Variants in NTM observed in about 807,000 individuals in gnomAD.
NTM encodes the protein neurotrimin.
Under a neutral mutation model 42.1 loss-of-function variants are expected in NTM, and 13 were observed. The ratio of observed to expected loss-of-function variants is 0.31; its 90% CI spans 0.20 to 0.49. The LOEUF (loss-of-function observed/expected upper bound fraction) is 0.49, where lower values mean the gene tolerates loss of function less well. Ranked by LOEUF, NTM falls within the 20% of genes least tolerant of loss-of-function variation. NTM has a pLI of 0.99. For missense variants in NTM, 373 were observed against 452.8 expected (o/e 0.82, Z 1.60); for synonymous variants, 187 against 179.2 (o/e 1.04, Z -0.35).
At chr11:131,890,511 T>G (rs533762385) in intron 1 of NTM, among the ~76,000 whole-genome samples, 12 of 152,326 alleles carry the variant, frequency 7.9e-5, no homozygotes, top group Middle Eastern at 3.4e-3. Context: ...TCATGAGCGC[T>G]CTCCTTTTTT....
At chr11:131,528,668 C>A (rs1482581045) in intron 1 of NTM, among the ~76,000 whole-genome samples, 1 of 152,168 alleles carries the variant, frequency 6.6e-6, no homozygotes, top group African/African-American at 2.4e-5. Context: ...TAATTGAGCT[C>A]ATTCTTTTTA....
In NTM at chr11:131,708,441, A is replaced by G. The variant is rs1369723783; in HGVS notation, c.83-203123A>G. ...TGGCAGTAAGTATTCCTAAACATTAACATTAGAGATGTAAGACAAAAAGCA... is the reference window on the plus strand; with the variant it reads ...TGGCAGTAAGTATTCCTAAACATTAGCATTAGAGATGTAAGACAAAAAGCA... On this transcript the variant is annotated intron_variant, in intron 1 of 8. Coordinates refer to ENST00000683400, the MANE Select transcript of NTM (RefSeq NM_001352005.2). Among the ~76,000 whole-genome samples the G allele has an allele frequency of 2.0e-5, 3 of 152,172 alleles. 1 individual carries two copies. In the East Asian group the frequency reaches 5.8e-4, roughly 29 times the overall value.
intron 6 of NTM, 134 bp downstream of exon 6, chr11:132,310,366 G>A (rs2095244700): frequency 2.7e-5 from 21 of 776,396 alleles, no homozygotes; most frequent in Non-Finnish European, 4.0e-5. Context: ...GGGGGCAAAT[G>A]TGCAAAGAAG....
At chr11:131,827,100 G>A (rs534513905) in intron 1 of NTM, among the ~76,000 whole-genome samples, 46 of 152,124 alleles carry the variant, frequency 3.0e-4, no homozygotes, top group African/African-American at 1.1e-3. Flanking sequence ...CTGAATACAC[G>A]TTGATGAATT....
intron 4 of NTM, among the ~76,000 whole-genome samples, chr11:132,259,602 C>G (rs1279392170): frequency 6.6e-6 from 1 of 151,574 alleles, no homozygotes; most frequent in Non-Finnish European, 1.5e-5. Flanking sequence ...ATCGTTTGAA[C>G]CCGGGAGGCA....
At chr11:131,751,370 C>T (rs1565500479) in intron 1 of NTM, among the ~76,000 whole-genome samples, 1 of 151,974 alleles carries the variant, frequency 6.6e-6, no homozygotes, top group Non-Finnish European at 1.5e-5. Context: ...GTGGGCGGAT[C>T]ACGAGGTCAG....
chr11:131,506,486 G>A (rs1037156883), intron 1 of NTM, among the ~76,000 whole-genome samples: 1 of 152,196 alleles, frequency 6.6e-6, no homozygotes, highest in Non-Finnish European at 1.5e-5. Flanking sequence ...GCGTGTCGCT[G>A]GGACAGCCCT....
chr11:132,128,644 G>T (rs2066266229), intron 2 of NTM, among the ~76,000 whole-genome samples: 1 of 152,008 alleles, frequency 6.6e-6, no homozygotes, highest in Non-Finnish European at 1.5e-5. Context: ...GCTGGGCATG[G>T]TGGCTCACAC....
chr11:131,708,712 T>C (rs191032673), intron 1 of NTM, among the ~76,000 whole-genome samples: 1 of 152,286 alleles, frequency 6.6e-6, no homozygotes, highest in African/African-American at 2.4e-5. Context: ...GAAAAATATA[T>C]TGAGGGCCTT....
In NTM at chr11:131,864,335, T is replaced by C. The variant is rs148294970; in HGVS notation, c.83-47229T>C. Among the ~76,000 whole-genome samples, 776 of 152,286 alleles carry C rather than the reference T, an allele frequency of 5.1e-3. 9 individuals are homozygous for C. The highest frequency in any genetic ancestry group is 0.017 in the African/African-American group (722 of 41,562). ...TCTGGTCAGTCCCTGGAGCTTGTCA[T>C]GTGACAGCAGGATTCTCCTGCTGCT... is the stretch of plus-strand genomic sequence containing the variant. On this transcript the variant is annotated intron_variant, in intron 1 of 8. Coordinates refer to ENST00000683400, the MANE Select transcript of NTM (RefSeq NM_001352005.2).
intron 2 of NTM, among the ~76,000 whole-genome samples, chr11:131,955,020 T>A (rs1474999481): frequency 6.6e-6 from 1 of 152,196 alleles, no homozygotes; most frequent in Non-Finnish European, 1.5e-5. Context: ...CAGATGAACA[T>A]CCTCATTGTC....
chr11:131,788,290 C>T (rs2089600846), intron 1 of NTM, among the ~76,000 whole-genome samples: 1 of 152,024 alleles, frequency 6.6e-6, no homozygotes, highest in South Asian at 2.1e-4. Context: ...AAATTTATTA[C>T]TCTTTCCCAT....
At chr11:131,989,907 T>C (rs1468233091) in intron 2 of NTM, among the ~76,000 whole-genome samples, 6 of 152,160 alleles carry the variant, frequency 3.9e-5, no homozygotes, top group Admixed American at 6.5e-5. Context: ...TCCTTTTTCA[T>C]TGGCTCAAGC....
intron 2 of NTM, among the ~76,000 whole-genome samples, chr11:132,090,926 C>CA (rs1162225188): frequency 4.6e-5 from 7 of 151,974 alleles, no homozygotes; most frequent in African/African-American, 1.5e-4. Flanking sequence ...CCAGACCTAC[C>CA]AAAAAAAGTG....
intron 2 of NTM, among the ~76,000 whole-genome samples, chr11:131,976,940 C>T (rs1041341615): frequency 1.3e-5 from 2 of 152,134 alleles, no homozygotes; most frequent in African/African-American, 2.4e-5. Context: ...TGAAAAATAT[C>T]GGTGTGTGTG....
intron 3 of NTM, among the ~76,000 whole-genome samples, chr11:132,209,264 T>C (rs6590630): frequency 0.48 from 72,961 of 152,158 alleles, 18,058 homozygotes; most frequent in Middle Eastern, 0.57. Context: ...TAAAATGATA[T>C]AACCATAAAT....
intron 4 of NTM, among the ~76,000 whole-genome samples, chr11:132,268,781 T>C (rs3099775): frequency 0.92 from 139,147 of 152,058 alleles, 63,865 homozygotes; most frequent in East Asian, 1. Flanking sequence ...TTTAGTTCCA[T>C]AGAAGGAAAA....
intron 4 of NTM, among the ~76,000 whole-genome samples, chr11:132,220,149 T>C (rs993226370): frequency 3.3e-5 from 5 of 152,206 alleles, no homozygotes; most frequent in African/African-American, 1.2e-4. Flanking sequence ...TCAGAGTACC[T>C]GTGAAACATA....
At chr11:132,156,228 A>G (rs2073160167) in intron 3 of NTM, among the ~76,000 whole-genome samples, 1 of 152,140 alleles carries the variant, frequency 6.6e-6, no homozygotes, top group Admixed American at 6.5e-5. Flanking sequence ...GCCAGGCTCC[A>G]GGGGACCTCT....
Sources: gnomAD v4.1 joint callset for allele counts (sites outside exome capture counted in the v4.1 genomes callset) on GRCh38, gnomAD v4.1.1 for gene constraint, MANE v1.5 for transcripts, NCBI Gene and HGNC (gene_info 2026-07-23, HGNC 2026-07-21) for gene names.